The following OPCML variants were observed in gnomAD, a reference collection of about 807,000 sequenced individuals.
OPCML encodes the protein opioid-binding protein/cell adhesion molecule.
A neutral mutation model predicts 37.8 loss-of-function variants in OPCML; 13 were observed. The observed-to-expected ratio is 0.34, with a 90% CI of 0.22 to 0.55. The LOEUF is 0.55. OPCML is among the 20% of genes least tolerant of loss of function. The pLI is 0.91. For synonymous variants in OPCML, 176 were observed against 168.8 expected (o/e 1.04, Z -0.33); for missense variants, 341 against 435.6 (o/e 0.78, Z 1.93).
intron 1 of OPCML, chr11:133,421,330 C>T (rs2136894523): frequency 1.0e-6 from 1 of 985,308 alleles, no homozygotes; most frequent in Non-Finnish European, 1.2e-6. Flanking sequence ...TGAATTTAAG[C>T]AGTACAGGAA....
At chr11:133,064,244 C>T (rs760208844) in intron 1 of OPCML, among the ~76,000 whole-genome samples, 1 of 152,180 alleles carries the variant, frequency 6.6e-6, no homozygotes, top group Non-Finnish European at 1.5e-5. Context: ...GGTTCCCAGA[C>T]GCTGCCGGGT....
At chr11:133,476,459 A>G (rs762207511) in intron 1 of OPCML, among the ~76,000 whole-genome samples, 2 of 152,062 alleles carry the variant, frequency 1.3e-5, no homozygotes, top group South Asian at 4.1e-4. Context: ...AATGGGCTCA[A>G]TTGCACAGTT....
chr11:132,451,972 A>G (rs557249386), intron 4 of OPCML, among the ~76,000 whole-genome samples: 1 of 152,068 alleles, frequency 6.6e-6, no homozygotes, highest in Non-Finnish European at 1.5e-5. Flanking sequence ...GTAGGTTTCA[A>G]TTCCCCTAAA....
chr11:133,020,923 C>T (rs1947439087), intron 1 of OPCML, among the ~76,000 whole-genome samples: 1 of 152,010 alleles, frequency 6.6e-6, no homozygotes. Context: ...TTTTTTTCTC[C>T]TTCCCACTTG....
intron 7 of OPCML, among the ~76,000 whole-genome samples, chr11:132,428,668 C>G (rs903242874): frequency 6.6e-6 from 1 of 152,192 alleles, no homozygotes; most frequent in African/African-American, 2.4e-5. Flanking sequence ...TCAGACAGAC[C>G]TAGGTACAAA....
At chr11:132,494,012 C>T (rs2137082914) in intron 4 of OPCML, among the ~76,000 whole-genome samples, 1 of 152,276 alleles carries the variant, frequency 6.6e-6, no homozygotes, top group South Asian at 2.1e-4. Context: ...AGCTGTGCTC[C>T]CTGTAGGGTG....
intron 1 of OPCML, among the ~76,000 whole-genome samples, chr11:133,239,717 T>G (rs1462341878): frequency 6.6e-6 from 1 of 152,142 alleles, no homozygotes; most frequent in Non-Finnish European, 1.5e-5. Context: ...CACCAGGAAG[T>G]CAGGCAGTGT....
intron 2 of OPCML, among the ~76,000 whole-genome samples, chr11:132,734,641 T>G (rs529798669): frequency 1.4e-4 from 22 of 152,248 alleles, no homozygotes; most frequent in African/African-American, 5.3e-4. Flanking sequence ...CCCACAAAAC[T>G]TGTAGGAGAT....
At chr11:132,632,632 C>T (rs752612960) in intron 3 of OPCML, among the ~76,000 whole-genome samples, 29 of 152,160 alleles carry the variant, frequency 1.9e-4, no homozygotes, top group East Asian at 1.4e-3. Context: ...ATAGCCAGCC[C>T]GGTATATCTA....
intron 2 of OPCML, among the ~76,000 whole-genome samples, chr11:132,863,549 C>A (rs1055358254): frequency 1.3e-5 from 2 of 152,142 alleles, no homozygotes; most frequent in African/African-American, 4.8e-5. Context: ...CTGAGGCTGG[C>A]GGCAGAATCC....
chr11:133,465,246 T>C (rs1946949294), intron 1 of OPCML, among the ~76,000 whole-genome samples: 1 of 152,238 alleles, frequency 6.6e-6, no homozygotes, highest in Non-Finnish European at 1.5e-5. Flanking sequence ...ACTCTGCTTC[T>C]GTTCACAGGT....
intron 2 of OPCML, among the ~76,000 whole-genome samples, chr11:132,686,823 G>A (rs1050253874): frequency 4.6e-5 from 7 of 152,218 alleles, no homozygotes; most frequent in East Asian, 3.9e-4. Flanking sequence ...TCCCCCAGGA[G>A]TGTTTTTGTC....
intron 1 of OPCML, among the ~76,000 whole-genome samples, chr11:133,165,088 A>C (rs777956181): frequency 2.6e-5 from 4 of 152,244 alleles, no homozygotes; most frequent in Non-Finnish European, 5.9e-5. Context: ...TACTCAGAGC[A>C]AAACATATTT....
intron 1 of OPCML, among the ~76,000 whole-genome samples, chr11:133,015,997 T>C (rs1388161090): frequency 6.6e-6 from 1 of 152,170 alleles, no homozygotes; most frequent in Non-Finnish European, 1.5e-5. Context: ...CTTGTGCCCA[T>C]CCCTTTAACA....
intron 2 of OPCML, among the ~76,000 whole-genome samples, chr11:132,740,347 T>C (rs954652471): frequency 6.6e-6 from 1 of 152,220 alleles, no homozygotes; most frequent in Non-Finnish European, 1.5e-5. Context: ...CAGAGCCACA[T>C]CTTCCGCCTG....
intron 2 of OPCML, among the ~76,000 whole-genome samples, chr11:132,896,177 A>C (rs1943834569): frequency 6.6e-6 from 1 of 152,308 alleles, no homozygotes; most frequent in East Asian, 1.9e-4. Flanking sequence ...TTGGGCTAAC[A>C]CAGAGGAAGG....
intron 1 of OPCML, among the ~76,000 whole-genome samples, chr11:133,514,390 G>A (rs1348423427): frequency 6.6e-6 from 1 of 152,158 alleles, no homozygotes; most frequent in Non-Finnish European, 1.5e-5. Flanking sequence ...AAGAGAGAGG[G>A]AAAAACCAAA....
At chr11:132,832,799 C>T (rs988314958) in intron 2 of OPCML, among the ~76,000 whole-genome samples, 2 of 152,214 alleles carry the variant, frequency 1.3e-5, no homozygotes, top group African/African-American at 4.8e-5. Flanking sequence ...GCCTGTCACT[C>T]CTAGGCTACA....
At chr11:132,556,194 T>C (rs1010950000) in intron 3 of OPCML, among the ~76,000 whole-genome samples, 2 of 152,296 alleles carry the variant, frequency 1.3e-5, no homozygotes, top group East Asian at 3.9e-4. Context: ...CCTCCTGCCT[T>C]GGCCTCCCAA....
Sources: gnomAD v4.1 joint callset for allele counts (sites outside exome capture counted in the v4.1 genomes callset) on GRCh38, gnomAD v4.1.1 for gene constraint, MANE v1.5 for transcripts, NCBI Gene and HGNC (gene_info 2026-07-23, HGNC 2026-07-21) for gene names.